TRIM61: variants seen among roughly 807,000 people sequenced by gnomAD.
TRIM61 encodes tripartite motif containing 61.
A neutral mutation model predicts 14.2 loss-of-function variants in TRIM61; 1 was observed. That is an observed-to-expected ratio of 0.07 (90% CI 0.03 to 0.33). TRIM61 has a LOEUF of 0.33. Among genes scored for constraint, TRIM61 ranks in the 10% least tolerant of loss-of-function variants. TRIM61 has a pLI of 0.99. For synonymous variants in TRIM61, 8 were observed against 71.6 expected (o/e 0.11, Z 4.49); for missense variants, 19 against 202.2 (o/e 0.09, Z 5.49).
At chr4:164,971,098 C>A (rs910841776) in intron 2 of TRIM61, among the ~76,000 whole-genome samples, 2 of 152,044 alleles carry the variant, frequency 1.3e-5, no homozygotes, top group African/African-American at 4.8e-5. Context: ...GAAACTCTAT[C>A]TCCCCCCTCA....
At position 164,977,581 on chromosome 4, in the gene TRIM61, G is replaced by C. The variant is rs1454509289; in HGVS notation, c.-526C>G. 1 of 152,182 alleles carries C rather than the reference G, an allele frequency of 6.6e-6. No individual in the cohort carries two copies. The highest frequency in any genetic ancestry group is 1.5e-5 in the Non-Finnish European group (1 of 68,066). 9.4% of individuals were successfully genotyped at this position (152,182 alleles called of 1,614,324 possible). A position where few individuals can be genotyped will look rare whatever the true frequency, so the allele number is the denominator to read the frequency against. On this transcript the variant is annotated 5_prime_UTR_variant, in exon 1 of 5. Coordinates refer to ENST00000329314, the MANE Select transcript of TRIM61 (RefSeq NM_001012414.3). ...GGCCAAAGAATACTCAGGACCCACC[G>C]AGCCCCCGCGAGGAAGGACTCATAC...
At chr4:164,959,014 TTC>T (rs1436992605) in intron 3 of TRIM61, 3 of 167,140 alleles carry the variant, frequency 1.8e-5, no homozygotes, top group African/African-American at 7.2e-5. Context: ...GATTAATACG[TTC>T]ATATGACTAT....
chr4:164,962,906 G>T (rs1732167612), intron 3 of TRIM61, among the ~76,000 whole-genome samples: 1 of 152,054 alleles, frequency 6.6e-6, no homozygotes, highest in African/African-American at 2.4e-5. Context: ...TGAGAATTGG[G>T]AATATACTAT....
rs139276585 is a variant in TRIM61 at position 164,976,657 on chromosome 4, T to A, written c.-338+31A>T. On this transcript the variant is annotated intron_variant, in intron 2 of 4. Transcript: ENST00000329314. Reference sequence around the variant, plus strand: ...CTGAAAACATTCCACTGGTCCTTTATTACTTTATGGAAGCAATTCTCAAAT... The same window carrying A: ...CTGAAAACATTCCACTGGTCCTTTAATACTTTATGGAAGCAATTCTCAAAT... 6 of 152,344 alleles carry A rather than the reference T, an allele frequency of 3.9e-5. No homozygotes were observed. The East Asian group carries it at 1.2e-3, about 29-fold the overall frequency. 9.4% of individuals were successfully genotyped at this position (152,344 alleles called of 1,614,324 possible).
At chr4:164,963,489 G>A (rs922188875) in intron 3 of TRIM61, among the ~76,000 whole-genome samples, 4 of 152,072 alleles carry the variant, frequency 2.6e-5, no homozygotes, top group South Asian at 2.1e-4. Context: ...GGTGGCTCAC[G>A]CCTGTAATCC....
intron 1 of TRIM61, among the ~76,000 whole-genome samples, chr4:164,977,211 G>A (rs1379717182): frequency 1.3e-5 from 2 of 152,138 alleles, no homozygotes; most frequent in Non-Finnish European, 2.9e-5. Context: ...TTCTCAACTG[G>A]CAGCTACCAC....
At chr4:164,955,821 G>A (rs945120738) in intron 3 of TRIM61, among the ~76,000 whole-genome samples, 3 of 151,968 alleles carry the variant, frequency 2.0e-5, no homozygotes, top group African/African-American at 4.8e-5. Context: ...CCTCAATCCC[G>A]ATTTAAACTA....
chr4:164,955,876 G>T (rs1193257525), intron 3 of TRIM61, among the ~76,000 whole-genome samples: 1 of 152,002 alleles, frequency 6.6e-6, no homozygotes, highest in Non-Finnish European at 1.5e-5. Flanking sequence ...ACAGGAAATT[G>T]GTAGAGGATG....
intron 3 of TRIM61, among the ~76,000 whole-genome samples, chr4:164,967,600 G>A (rs576860982): frequency 6.6e-6 from 1 of 152,134 alleles, no homozygotes; most frequent in African/African-American, 2.4e-5. Flanking sequence ...AGAGGAGGAT[G>A]TAAGAATGCC....
In TRIM61 at chr4:164,968,273, ATAAG is replaced by A. The variant is rs1553979196; in HGVS notation, c.525+1201_525+1204del. ...TTAATCTTTCTTAAAGGAAAAGTAT[ATAAG>A]AAATACAGAAAAAAATTACTGGGCT... On this transcript the variant is annotated intron_variant, in intron 3 of 4. Coordinates refer to ENST00000329314, the MANE Select transcript of TRIM61 (RefSeq NM_001012414.3). 1 of 901,482 alleles carries A rather than the reference ATAAG, an allele frequency of 1.1e-6. No homozygotes were observed. The highest frequency in any genetic ancestry group is 1.3e-6 in the Non-Finnish European group (1 of 761,712). 55.8% of individuals were successfully genotyped at this position (901,482 alleles called of 1,614,324 possible). A position where few individuals can be genotyped will look rare whatever the true frequency, so the allele number is the denominator to read the frequency against.
chr4:164,956,723 C>G (rs1442824013), intron 3 of TRIM61, among the ~76,000 whole-genome samples: 1 of 152,170 alleles, frequency 6.6e-6, no homozygotes, highest in Non-Finnish European at 1.5e-5. Context: ...TCTGTTAAGG[C>G]GGGGCAGGGA....
At chr4:164,956,588 A>C (rs1731994615) in intron 3 of TRIM61, among the ~76,000 whole-genome samples, 1 of 152,200 alleles carries the variant, frequency 6.6e-6, no homozygotes, top group East Asian at 1.9e-4. Flanking sequence ...CTAAAAGACA[A>C]TATCTCAATT....
intron 3 of TRIM61, among the ~76,000 whole-genome samples, chr4:164,967,551 A>G (rs561720698): frequency 6.6e-6 from 1 of 152,314 alleles, no homozygotes; most frequent in African/African-American, 2.4e-5. Context: ...AGAACAGGTT[A>G]TCTACCGGTT....
chr4:164,955,060 A>ACT lies in TRIM61; in HGVS notation c.561_562insAG (p.Cys188SerfsTer25). On this transcript the variant is annotated frameshift_variant, in exon 4 of 5. Transcript: ENST00000329314. LOFTEE classifies it high-confidence loss of function. Reference sequence around the variant, plus strand: ...AGGTTGAAGTGAGCCGAGATCGTGCAACTGCACTCCAGCCTGGTGACAGAA... The same window carrying ACT: ...AGGTTGAAGTGAGCCGAGATCGTGCACTACTGCACTCCAGCCTGGTGACAGAA... 4.7e-6 allele frequency: 1 copy of ACT among 215,048 alleles called. No homozygotes were observed. The highest frequency in any genetic ancestry group is 5.1e-5 in the South Asian group (1 of 19,762). 13.3% of individuals were successfully genotyped at this position (215,048 alleles called of 1,614,324 possible). A position where few individuals can be genotyped will look rare whatever the true frequency, so the allele number is the denominator to read the frequency against.
At chr4:164,975,185 G>A (rs983073780) in intron 2 of TRIM61, among the ~76,000 whole-genome samples, 8 of 151,474 alleles carry the variant, frequency 5.3e-5, no homozygotes, top group African/African-American at 1.7e-4. Context: ...AGCTGAGATG[G>A]CGCCATTGCA....
rs187054221 is a variant in TRIM61, at chr4:164,967,980, C to T, written c.525+1498G>A. Among the ~76,000 whole-genome samples, 295 of 151,884 alleles carry T rather than the reference C, an allele frequency of 1.9e-3. 1 individual carries two copies. Among genetic ancestry groups the T allele is most frequent in the Non-Finnish European group, 1.4e-3 (95 of 67,938 alleles). On this transcript the variant is annotated intron_variant, in intron 3 of 4. Coordinates refer to ENST00000329314, the MANE Select transcript of TRIM61 (RefSeq NM_001012414.3). ...CAGCCTGACCAACATGGTGAAACCC[C>T]GTCTCTATTAAAAATACAAAAATTA...
chr4:164,957,042 G>T (rs1342005402), intron 3 of TRIM61: 1 of 1,501,272 alleles, frequency 6.7e-7, no homozygotes, highest in Admixed American at 2.2e-5. Context: ...TGCGCGGTGC[G>T]GCGGGGCAGC....
chr4:164,976,418 G>A, intron 2 of TRIM61, among the ~76,000 whole-genome samples: 1 of 152,078 alleles, frequency 6.6e-6, no homozygotes, highest in Admixed American at 6.5e-5. Context: ...AGGTATCATT[G>A]TGCCCTCCTT....
At chr4:164,958,363 C>T (rs1384142011) in intron 3 of TRIM61, 1 of 166,994 alleles carries the variant, frequency 6.0e-6, no homozygotes, top group Non-Finnish European at 1.5e-5. Flanking sequence ...GACTTGAATG[C>T]CAGGTCTGAA....
Sources: gnomAD v4.1 joint callset for allele counts (sites outside exome capture counted in the v4.1 genomes callset) on GRCh38, gnomAD v4.1.1 for gene constraint, MANE v1.5 for transcripts, NCBI Gene and HGNC (gene_info 2026-07-23, HGNC 2026-07-21) for gene names.